CLUH: variants seen among roughly 807,000 people sequenced by gnomAD.
CLUH encodes the protein CLUH binding protein of NUMT mRNA, also known as clustered mitochondria protein homolog.
A neutral mutation model predicts 139.3 loss-of-function variants in CLUH; 77 were observed. The observed-to-expected ratio is 0.55, with a 90% confidence interval of 0.46 to 0.67. The LOEUF is 0.67. CLUH is among the 30% of genes least tolerant of loss of function. CLUH has a pLI of 0.00. For missense variants in CLUH, 1,876 were observed against 1,875.8 expected (o/e 1.00, Z 0.00); for synonymous variants, 999 against 801.6 (o/e 1.25, Z -4.16).
chr17:2,690,660 CCCCG>C lies in CLUH; in HGVS notation c.3977_3980del (p.Ala1326GlyfsTer90). On this transcript the variant is annotated frameshift_variant, in exon 26 of 26. Transcript: ENST00000651024. LOFTEE classifies it high-confidence loss of function. ...GCTGGGAGCCCAGGTCTCCTGGGGC[CCCCG>C]CTGGCGCGGGCTCGGTAGCCATGGG... 6.5e-7 allele frequency: 1 copy of C among 1,543,160 alleles called. No individual in the cohort carries two copies. Among genetic ancestry groups the C allele is most frequent in the Non-Finnish European group, 8.7e-7 (1 of 1,151,600 alleles).
In CLUH at chr17:2,692,368, C is replaced by A; in HGVS notation, c.3553G>T (p.Ala1185Ser). The A allele has an allele frequency of 7.6e-6, 12 of 1,581,388 alleles. No individual in the cohort carries two copies. The highest frequency in any genetic ancestry group is 1.0e-5 in the Non-Finnish European group (12 of 1,171,596). The change falls in exon 22 of 26, where the codon GCC becomes TCC. Residue 1185 changes from alanine to serine, a missense_variant. Physicochemically the swap from Ala to Ser is moderately conservative, Grantham distance 99. Coordinates refer to ENST00000651024, the MANE Select transcript of CLUH (RefSeq NM_001366661.1). ...GGACGGGCGGCCCCTCACCTGAGGG[C>A]CACCTTGAGGGCCTTGGGCCCGTGG... is the stretch of plus-strand genomic sequence containing the variant. ...KYHGPKALKV[A>S]LSHHLVARVY...
At chr17:2,693,038 A>AG (rs1664986147) in intron 19 of CLUH, 178 bp from the exon 20 acceptor site, 1 of 484,106 alleles carries the variant, frequency 2.1e-6, no homozygotes, top group Non-Finnish European at 3.5e-6. Context: ...CACACCTTGA[A>AG]GGGCAGGTCA....
At position 2,694,566 on chromosome 17, in the gene CLUH, TGAG is replaced by T; in HGVS notation, c.2853-5_2853-3del. ...TCCACAGCCTGGTCCACGGTCTCACTGAGGAGGGAGCAGGGGGCCTGAGCAGCC... is the reference window on the plus strand; with the variant it reads ...TCCACAGCCTGGTCCACGGTCTCACTGAGGGAGCAGGGGGCCTGAGCAGCC... On this transcript the variant is annotated splice_region_variant and splice_polypyrimidine_tract_variant and intron_variant, in intron 16 of 25. Transcript: ENST00000651024. 2 of 1,571,840 alleles carry T rather than the reference TGAG, an allele frequency of 1.3e-6. No individual in the cohort carries two copies. Among genetic ancestry groups the T allele is most frequent in the Non-Finnish European group, 1.7e-6 (2 of 1,158,732 alleles).
Position 2,705,885 on chromosome 17 carries a change from C to T in CLUH, c.101-1321G>A, listed in dbSNP as rs116910916. On this transcript the variant is annotated intron_variant, in intron 1 of 25. Transcript: ENST00000651024. ...TGGAACAAAGGAGAACCCCCTGTTC[C>T]GCTGAGGAGCCAAGGATCGCCTCTC... is the stretch of plus-strand genomic sequence containing the variant. Among the ~76,000 whole-genome samples, 86 of 152,330 alleles carry T rather than the reference C, an allele frequency of 5.6e-4. 1 individual carries two copies. In the East Asian group the frequency reaches 0.015, roughly 26 times the overall value.
Position 2,692,458 on chromosome 17 carries a change from C to G in CLUH, c.3463G>C (p.Gly1155Arg). Residue 1155 changes from glycine (G) to arginine (R), a missense_variant, in exon 22 of 26, where the codon GGG becomes CGG. Physicochemically the swap from Gly to Arg is moderately radical, Grantham distance 125. This residue lies in a region of CLUH where 1,454 missense variants were observed against 1,384.4 expected (regional missense o/e 1.05). Transcript: ENST00000651024. ...LDNNIGLVLH[G>R]VMEYDLSLRF... ...AGCGACAGGTCGTACTCCATCACCC[C>G]GTGCAGCACCAGCCCGATGTTGTTC... The G allele has an allele frequency of 1.9e-6, 3 of 1,599,700 alleles. No individual in the cohort carries two copies. Among genetic ancestry groups the G allele is most frequent in the East Asian group, 2.2e-5 (1 of 44,818 alleles).
At position 2,701,423 on chromosome 17, in the gene CLUH, G is replaced by A. The variant is rs1362356177; in HGVS notation, c.842C>T (p.Thr281Ile). 2 of 1,612,680 alleles carry A rather than the reference G, an allele frequency of 1.2e-6. No homozygotes were observed. The highest frequency in any genetic ancestry group is 1.7e-6 in the Non-Finnish European group (2 of 1,179,522). Residue 281 changes from threonine to isoleucine, a missense_variant, in exon 6 of 26, where the codon ACA becomes ATA. Around this residue, in one of 3 missense-constraint regions of CLUH, gnomAD observed 270 missense variants for 354.7 expected, o/e 0.76. Transcript: ENST00000651024. ...GATGCTGACTTGCCGGTCCTCGGCT[G>A]TGATCACAAACAGGTACATGAGGTC... Reference protein sequence around the residue: ...HGDLMYLFVITAEDRQVSITA... With the variant: ...HGDLMYLFVIIAEDRQVSITA...
At chr17:2,709,605 GC>G (rs1186137057) in intron 1 of CLUH, among the ~76,000 whole-genome samples, 1 of 152,088 alleles carries the variant, frequency 6.6e-6, no homozygotes, top group African/African-American at 2.4e-5. Context: ...TGAAAAACCT[GC>G]CTGTTCTCTT....
In CLUH at chr17:2,691,696, A is replaced by G. The variant is rs1298802980; in HGVS notation, c.3790-14T>C. On this transcript the variant is annotated splice_polypyrimidine_tract_variant and intron_variant, in intron 24 of 25. Coordinates refer to ENST00000651024, the MANE Select transcript of CLUH (RefSeq NM_001366661.1). ...GGGGGCCGTGAACTGCGGGGCGGGG[A>G]AACCAGCGGTGAGCGGGGCTCCCGC... 6.2e-7 allele frequency: 1 copy of G among 1,610,816 alleles called. No homozygotes were observed. The highest frequency in any genetic ancestry group is 8.5e-7 in the Non-Finnish European group (1 of 1,178,686).
At chr17:2,692,335 T>C in intron 22 of CLUH, 26 bp downstream of exon 22, 2 of 1,529,440 alleles carry the variant, frequency 1.3e-6, no homozygotes, top group Non-Finnish European at 1.7e-6. Flanking sequence ...CCGCCGGCCT[T>C]GGCGTTTGGA....
rs1392576128 is a variant in CLUH, at chr17:2,698,309, G to C, written c.1548C>G (p.Arg516=). ...TGGACTGGGCCGTGACCCGGTAGCC[G>C]CGGTAATCCACCACCACCGTGCCCA... ...YTLGTVVVDY[R]GYRVTAQSII... Residue 516 remains arginine, a synonymous_variant, in exon 10 of 26, where the codon CGC becomes CGG. Coordinates refer to ENST00000651024, the MANE Select transcript of CLUH (RefSeq NM_001366661.1). 4 of 1,612,596 alleles carry C rather than the reference G, an allele frequency of 2.5e-6. No individual in the cohort carries two copies. The highest frequency in any genetic ancestry group is 3.4e-6 in the Non-Finnish European group (4 of 1,179,646).
In CLUH at chr17:2,697,971, G is replaced by C. The variant is rs756970668; in HGVS notation, c.1886C>G (p.Ala629Gly). ...GTGCCGGTGGGCGCGGGGGAAGCCG[G>C]CGCGGGCGCATTCCTCAGGCAGCTC... ...GEELPEECAR[A>G]GFPRAHRHKL... Residue 629 changes from alanine (A) to glycine (G), a missense_variant, in exon 10 of 26, where the codon GCC becomes GGC. By Grantham distance (60) the Ala-to-Gly change is moderately conservative. Transcript: ENST00000651024. The C allele has an allele frequency of 1.9e-6, 3 of 1,577,372 alleles. No individual in the cohort carries two copies. Among genetic ancestry groups the C allele is most frequent in the Non-Finnish European group, 2.6e-6 (3 of 1,167,524 alleles).
Position 2,694,293 on chromosome 17 carries a change from C to G in CLUH, c.2938-17G>C. 6.4e-7 allele frequency: 1 copy of G among 1,570,244 alleles called. No homozygotes were observed. Among genetic ancestry groups the G allele is most frequent in the Non-Finnish European group, 8.6e-7 (1 of 1,156,278 alleles). On this transcript the variant is annotated splice_polypyrimidine_tract_variant and intron_variant, in intron 17 of 25. Transcript: ENST00000651024. ...CAGCAGGACCTGGGGGGCAGCCCCC[C>G]CACCACAGGAAGCCTCAGGCCCAGG...
chr17:2,691,938 C>CG, intron 23 of CLUH, 43 bp from the exon 24 acceptor site: 1 of 1,066,442 alleles, frequency 9.4e-7, no homozygotes, highest in Non-Finnish European at 1.2e-6. Context: ...CGTGCCCCCG[C>CG]GGCCCCGCCC....
Position 2,692,821 on chromosome 17 carries a change from G to A in CLUH, c.3271C>T (p.Arg1091Trp), listed in dbSNP as rs762802291. The A allele has an allele frequency of 2.5e-6, 4 of 1,603,892 alleles. No homozygotes were observed. Among genetic ancestry groups the A allele is most frequent in the Non-Finnish European group, 2.6e-6 (3 of 1,173,640 alleles). ...NQQKAVLMSERVMGTEHPNTI... is the reference protein window; with the variant it reads ...NQQKAVLMSEWVMGTEHPNTI... ...TTGGGGTGCTCGGTGCCCATCACCCGCTCGCTCATCAGCACCGCCTTCTGC... is the reference window on the plus strand; with the variant it reads ...TTGGGGTGCTCGGTGCCCATCACCCACTCGCTCATCAGCACCGCCTTCTGC... Residue 1091 changes from arginine to tryptophan, a missense_variant, in exon 20 of 26, where the codon CGG becomes TGG. Transcript: ENST00000651024.
rs201016965 is a variant in CLUH at position 2,704,380 on chromosome 17, G to C, written c.285C>G (p.Ile95Met). ...ATCTTACCTGCAGGGAGAAGGGCTC[G>C]ATCCCAGGGGCGAGGATCTTCACAG... ...GFSVKILAPG[I>M]EPFSLQVSPQ... Residue 95 changes from isoleucine to methionine, a missense_variant, in exon 2 of 26, where the codon ATC becomes ATG. Physicochemically the swap from Ile to Met is conservative, Grantham distance 10. This residue lies in a region of CLUH where 152 missense variants were observed against 136.7 expected (regional missense o/e 1.11). Transcript: ENST00000651024. The surrounding 1 kb of genome is among the most constrained non-coding windows in gnomAD (Gnocchi z 5.7). 5 of 1,610,958 alleles carry C rather than the reference G, an allele frequency of 3.1e-6. No individual in the cohort carries two copies. The highest frequency in any genetic ancestry group is 4.2e-6 in the Non-Finnish European group (5 of 1,178,810).
chr17:2,698,258 G>C lies in CLUH; in HGVS notation c.1599C>G (p.Asp533Glu), dbSNP rs773692220. 1.2e-5 allele frequency: 19 copies of C among 1,607,484 alleles called. No individual in the cohort carries two copies. Among genetic ancestry groups the C allele is most frequent in the Non-Finnish European group, 1.4e-5 (17 of 1,177,598 alleles). Residue 533 changes from aspartate (D) to glutamate (E), a missense_variant, in exon 10 of 26, where the codon GAC becomes GAG. Physicochemically the swap from Asp to Glu is conservative, Grantham distance 45. Transcript: ENST00000651024. ...AGCCGTAGATGACGCTCTGCTCCTG[G>C]TCCCGCTCCAGGATGCCGGGGATGA... Reference protein sequence around the residue: ...QSIIPGILERDQEQSVIYGSI... With the variant: ...QSIIPGILEREQEQSVIYGSI...
At position 2,691,939 on chromosome 17, in the gene CLUH, GGCCCCGCCCCCGCCCC is replaced by G. The variant is rs750551996; in HGVS notation, c.3654+49_3655-45del. 200 of 1,061,370 alleles carry G rather than the reference GGCCCCGCCCCCGCCCC, an allele frequency of 1.9e-4. 2 individuals carry two copies. The highest frequency in any genetic ancestry group is 6.5e-4 in the Admixed American group (17 of 26,320). 65.7% of individuals were successfully genotyped at this position (1,061,370 alleles called of 1,614,324 possible). ...GGATCAGGCCCCCCCGTGCCCCCGCGGCCCCGCCCCCGCCCCGCCACGCCCCCGCCCCGCCCCCGCC... is the reference window on the plus strand; with the variant it reads ...GGATCAGGCCCCCCCGTGCCCCCGCGGCCACGCCCCCGCCCCGCCCCCGCC... On this transcript the variant is annotated intron_variant, in intron 23 of 25. Transcript: ENST00000651024.
chr17:2,691,934 CCCGCGG>C, intron 23 of CLUH, 39 bp from the exon 24 acceptor site: 4 of 1,127,884 alleles, frequency 3.5e-6, no homozygotes, highest in African/African-American at 2.0e-5. Context: ...CCCCCGTGCC[CCCGCGG>C]CCCCGCCCCC....
At chr17:2,695,666 G>A (rs899384015) in intron 13 of CLUH, 140 bp from the exon 14 acceptor site, 26 of 1,160,070 alleles carry the variant, frequency 2.2e-5, no homozygotes, top group Middle Eastern at 2.9e-4. Flanking sequence ...ATGTCAGAAT[G>A]TGCCCAGCCT....
Sources: allele counts gnomAD v4.1 joint callset (sites outside exome capture counted in the v4.1 genomes callset), GRCh38; gene constraint gnomAD v4.1.1; regional missense constraint gnomAD v4.1.1; non-coding constraint Gnocchi (gnomAD v3.1); transcripts MANE v1.5; gene names NCBI Gene and HGNC (gene_info 2026-07-23, HGNC 2026-07-21).